SAMD5: variants seen among roughly 807,000 people sequenced by gnomAD.
SAMD5 encodes the protein sterile alpha motif domain containing 5.
In SAMD5, 13 loss-of-function variants were observed where a neutral mutation model predicts 11.3. That is an observed-to-expected ratio of 1.15 (90% confidence interval 0.75 to 1.83). The LOEUF (loss-of-function observed/expected upper bound fraction) is 1.83. Among genes scored for constraint, SAMD5 ranks in the 40% most tolerant of loss-of-function variants. The probability of loss-of-function intolerance (pLI) is 0.00; values close to 1 mark genes in which losing one functional copy is unlikely to be tolerated. For missense variants in SAMD5, 255 were observed against 239.1 expected (o/e 1.07, Z -0.44); for synonymous variants, 129 against 111.3 (o/e 1.16, Z -1.00).
the SAMD5 span, among the ~76,000 whole-genome samples, chr6:147,751,530 C>T: frequency 6.6e-6 from 1 of 152,162 alleles, no homozygotes; most frequent in Non-Finnish European, 1.5e-5. Flanking sequence ...AGAATTATTG[C>T]AACCACAAAA....
the SAMD5 span, among the ~76,000 whole-genome samples, chr6:147,947,285 A>T: frequency 5.3e-5 from 8 of 152,298 alleles, no homozygotes; most frequent in South Asian, 1.5e-3. Context: ...CTTGTCGAAG[A>T]CTTGCTCACT....
chr6:147,927,075 T>C, the SAMD5 span, among the ~76,000 whole-genome samples: 1 of 152,230 alleles, frequency 6.6e-6, no homozygotes, highest in Non-Finnish European at 1.5e-5. Flanking sequence ...AGTCCTGTAG[T>C]ATAGTTGGAA....
At position 147,727,100 on chromosome 6, in the gene SAMD5, G is replaced by A. The variant is rs184973194; in HGVS notation, c.163-10217G>A. On this transcript the variant is annotated intron_variant, in intron 1 of 1. Transcript: ENST00000566741. The stretch of plus-strand genomic sequence containing the variant: ...CAAAGTCCTTAATGGAGTATCCTGT[G>A]TCCCCCATAACCTGTCCCCTGCCTA... Among the ~76,000 whole-genome samples, 520 of 152,234 alleles carry A rather than the reference G, an allele frequency of 3.4e-3. 1 individual carries two copies. The highest frequency in any genetic ancestry group is 0.012 in the African/African-American group (478 of 41,550).
In SAMD5 at chr6:147,711,355, C is replaced by T. The variant is rs2128458509; in HGVS notation, c.163-25962C>T. Among the ~76,000 whole-genome samples, 1 of 152,220 alleles carries T rather than the reference C, an allele frequency of 6.6e-6. No homozygotes were observed. The highest frequency in any genetic ancestry group is 1.9e-4 in the East Asian group (1 of 5,172). On this transcript the variant is annotated intron_variant, in intron 1 of 1. Transcript: ENST00000566741. The surrounding 1 kb of genome is among the most constrained non-coding windows in gnomAD (Gnocchi z 4.1). ...CCCAACCTGACCCTGTGCTCCCTGT[C>T]CCATTTCTAGCCATATCATGGGACA...
chr6:147,802,438 G>A, the SAMD5 span, among the ~76,000 whole-genome samples: 6 of 151,876 alleles, frequency 4.0e-5, no homozygotes, highest in Admixed American at 3.9e-4. Context: ...GGAACAACTC[G>A]AGCTCTCATA....
chr6:147,658,802 A>G (rs960503469), intron 1 of SAMD5, among the ~76,000 whole-genome samples: 5 of 152,186 alleles, frequency 3.3e-5, no homozygotes, highest in African/African-American at 1.2e-4. Flanking sequence ...CTTTGGCTTT[A>G]TACTAATGAT....
the SAMD5 span, among the ~76,000 whole-genome samples, chr6:147,939,603 G>C: frequency 6.6e-6 from 1 of 152,160 alleles, no homozygotes; most frequent in South Asian, 2.1e-4. Flanking sequence ...GCCTAACAGT[G>C]CAATCTGACC....
At chr6:147,553,160 A>G (rs572913188) in intron 1 of SAMD5, among the ~76,000 whole-genome samples, 4 of 152,308 alleles carry the variant, frequency 2.6e-5, no homozygotes, top group Non-Finnish European at 5.9e-5. Context: ...TCCTCATGAT[A>G]ACTCTCTGGG....
chr6:147,741,884 C>A (rs561125361), downstream of SAMD5: 4 of 152,222 alleles, frequency 2.6e-5, no homozygotes, highest in East Asian at 1.9e-4. Context: ...TTAGTAAGAA[C>A]CTTGAATATA....
chr6:147,950,267 C>T, the SAMD5 span, among the ~76,000 whole-genome samples: 1 of 152,258 alleles, frequency 6.6e-6, no homozygotes, highest in South Asian at 2.1e-4. Flanking sequence ...TCATTTAAAC[C>T]ATCTTCTGTC....
chr6:147,743,569 A>G, the SAMD5 span, among the ~76,000 whole-genome samples: 8 of 152,164 alleles, frequency 5.3e-5, no homozygotes, highest in African/African-American at 1.9e-4. Flanking sequence ...TGTATTAAAT[A>G]TATTAAATAG....
intron 1 of SAMD5, among the ~76,000 whole-genome samples, chr6:147,663,290 A>T (rs1269452837): frequency 6.6e-6 from 1 of 152,164 alleles, no homozygotes; most frequent in Non-Finnish European, 1.5e-5. Context: ...GGACACATAG[A>T]GGGACTAACA....
At chr6:147,582,323 G>T (rs962683317) in intron 1 of SAMD5, among the ~76,000 whole-genome samples, 3 of 113,092 alleles carry the variant, frequency 2.7e-5, no homozygotes, top group Non-Finnish European at 3.7e-5. Context: ...GCTGAGATCC[G>T]CACCCCCCCA....
At chr6:147,530,716 G>A (rs976034529) in intron 1 of SAMD5, among the ~76,000 whole-genome samples, 2 of 152,230 alleles carry the variant, frequency 1.3e-5, no homozygotes, top group Admixed American at 6.5e-5. Flanking sequence ...AAAGAAGAGA[G>A]CAAAGGTGCA....
At chr6:147,691,673 A>G (rs73014025) in intron 1 of SAMD5, among the ~76,000 whole-genome samples, 17,330 of 152,042 alleles carry the variant, frequency 0.11, 1,073 homozygotes, top group Middle Eastern at 0.16. Flanking sequence ...CAAAGCAACT[A>G]TTTCCTTGCT....
the SAMD5 span, among the ~76,000 whole-genome samples, chr6:147,892,536 T>C: frequency 6.6e-6 from 1 of 152,188 alleles, no homozygotes; most frequent in Non-Finnish European, 1.5e-5. Context: ...CATCTAAGTG[T>C]TACATCTCTA....
intron 1 of SAMD5, among the ~76,000 whole-genome samples, chr6:147,684,175 A>G (rs1562351115): frequency 6.6e-6 from 1 of 152,032 alleles, no homozygotes; most frequent in Non-Finnish European, 1.5e-5. Flanking sequence ...CCTATGATTG[A>G]GCTTTATAAA....
the SAMD5 span, among the ~76,000 whole-genome samples, chr6:147,901,464 T>G: frequency 9.8e-5 from 15 of 152,358 alleles, no homozygotes; most frequent in African/African-American, 3.6e-4. Context: ...TAAAGTTCAT[T>G]CTGTATTCAT....
At chr6:147,786,169 A>G in the SAMD5 span, among the ~76,000 whole-genome samples, 4 of 152,226 alleles carry the variant, frequency 2.6e-5, no homozygotes, top group Non-Finnish European at 5.9e-5. Context: ...TGTTTTTAAC[A>G]TATTCTCCCA....
Sources: gnomAD v4.1 joint callset for allele counts (sites outside exome capture counted in the v4.1 genomes callset) on GRCh38, gnomAD v4.1.1 for gene constraint, Gnocchi (gnomAD v3.1) non-coding constraint, MANE v1.5 for transcripts, NCBI Gene and HGNC (gene_info 2026-07-23, HGNC 2026-07-21) for gene names.